Variants in ARSG observed in about 807,000 individuals in gnomAD.
The protein encoded by ARSG is arylsulfatase G, also known as ASG.
In ARSG, 37 loss-of-function variants were observed where a neutral mutation model predicts 50.5. The ratio of observed to expected loss-of-function variants is 0.73; its 90% confidence interval spans 0.56 to 0.96. The LOEUF (loss-of-function observed/expected upper bound fraction) is 0.96, where lower values mean the gene tolerates loss of function less well. Ranked by LOEUF, ARSG falls within the 50% of genes least tolerant of loss-of-function variation. The pLI, the probability that ARSG is intolerant of heterozygous loss-of-function variation, is 0.00. For synonymous variants in ARSG, 225 were observed against 254.6 expected (o/e 0.88, Z 1.11); for missense variants, 629 against 675.3 (o/e 0.93, Z 0.76).
the ARSG span, chr17:68,429,017 C>G: frequency 1.4e-4 from 149 of 1,040,886 alleles, no homozygotes; most frequent in African/African-American, 2.0e-3. Flanking sequence ...GCCCCCCTCA[C>G]CCTAGCTGTC....
intron 2 of ARSG, among the ~76,000 whole-genome samples, chr17:68,343,047 T>A (rs540912648): frequency 1.3e-5 from 2 of 152,368 alleles, no homozygotes; most frequent in Non-Finnish European, 2.9e-5. Flanking sequence ...AAGATTGAAT[T>A]TGTTGGATTA....
At chr17:68,432,260 T>C in the ARSG span, among the ~76,000 whole-genome samples, 885 of 152,252 alleles carry the variant, frequency 5.8e-3, 4 homozygotes, top group Middle Eastern at 0.01. Context: ...GTCAGTCCCA[T>C]GGCTGTGATA....
chr17:68,376,556 G>T (rs2080161280), intron 8 of ARSG, among the ~76,000 whole-genome samples: 1 of 151,834 alleles, frequency 6.6e-6, no homozygotes, highest in African/African-American at 2.4e-5. Context: ...CTCCCAAAAT[G>T]TTGGGATTAC....
chr17:68,292,618 A>G (rs1381397189), intron 1 of ARSG, among the ~76,000 whole-genome samples: 4 of 152,182 alleles, frequency 2.6e-5, no homozygotes, highest in Non-Finnish European at 5.9e-5. Context: ...TCAGAAACTC[A>G]AGAGAGCCTA....
the ARSG span, chr17:68,435,556 C>T: frequency 6.7e-7 from 1 of 1,502,434 alleles, no homozygotes; most frequent in Non-Finnish European, 9.3e-7. Flanking sequence ...TCAATCCCAT[C>T]CCTGCGCACG....
chr17:68,271,567 G>C lies in ARSG; in HGVS notation c.-552+12141G>C. ...TCTGATAAAGATGGGTCTGAGCAGT[G>C]CTCCGAAGATGACAATGTTTAACTG... On this transcript the variant is annotated intron_variant, in intron 1 of 11. Coordinates refer to the ARSG transcript ENST00000448504. The surrounding 1 kb of genome is among the most constrained non-coding windows in gnomAD (Gnocchi z 5.3). 6.2e-7 allele frequency: 1 copy of C among 1,614,216 alleles called. No individual in the cohort carries two copies. Among genetic ancestry groups the C allele is most frequent in the South Asian group, 1.1e-5 (1 of 91,086 alleles).
intron 11 of ARSG, among the ~76,000 whole-genome samples, chr17:68,406,610 G>T (rs2081734072): frequency 6.6e-6 from 1 of 152,168 alleles, no homozygotes; most frequent in Non-Finnish European, 1.5e-5. Context: ...TTGTGGTTTT[G>T]ATTTGCATTT....
chr17:68,307,291 A>G lies in ARSG; in HGVS notation c.-203A>G. ...TGATTCTTTTGAATTAGGATTCCAG[A>G]TGGGGGCCTCATTTCTACAGCCCCC... On this transcript the variant is annotated 5_prime_UTR_variant, in exon 2 of 12. It removes an upstream start codon present in the reference 5' UTR. Transcript: ENST00000621439. The G allele has an allele frequency of 1.8e-6, 1 of 546,000 alleles. No individual in the cohort carries two copies. Among genetic ancestry groups the G allele is most frequent in the Non-Finnish European group, 3.2e-6 (1 of 308,434 alleles). The allele number at this position is 546,000 out of a possible 1,614,324, so 33.8% of individuals were successfully genotyped here. A position where few individuals can be genotyped will look rare whatever the true frequency, so the allele number is the denominator to read the frequency against.
Position 68,356,731 on chromosome 17 carries a change from G to T in ARSG, c.631G>T (p.Glu211Ter). 6.2e-7 allele frequency: 1 copy of T among 1,614,138 alleles called. No individual in the cohort carries two copies. The highest frequency in any genetic ancestry group is 8.5e-7 in the Non-Finnish European group (1 of 1,180,030). The part of the protein sequence containing the change: ...LPLYENLNIV[E>*]QPVNLSSLAQ... ...TCTTTATGAAAACCTCAACATTGTGGAGCAGCCGGTGAACTTGAGCAGCCT... is the reference window on the plus strand; with the variant it reads ...TCTTTATGAAAACCTCAACATTGTGTAGCAGCCGGTGAACTTGAGCAGCCT... Residue 211 changes from glutamate to a stop codon, truncating the protein, a stop_gained, in exon 6 of 12, where the codon GAG becomes TAG. Transcript: ENST00000621439. LOFTEE classifies it high-confidence loss of function.
chr17:68,266,875 A>T lies in ARSG; in HGVS notation c.-552+7449A>T, dbSNP rs1351645703. ...CAGTAGAAACTTCTTGGGAAACTTT[A>T]TGTGTCTCTAGTAGAGTTAAAAGGT... On this transcript the variant is annotated intron_variant, in intron 1 of 11. Coordinates refer to the ARSG transcript ENST00000448504. Among the ~76,000 whole-genome samples the T allele has an allele frequency of 2.0e-5, 3 of 152,264 alleles. No individual in the cohort carries two copies. In the South Asian group the frequency reaches 6.2e-4, roughly 32 times the overall value.
intron 10 of ARSG, 61 bp downstream of exon 10, chr17:68,395,254 C>T: frequency 6.3e-7 from 1 of 1,597,334 alleles, no homozygotes; most frequent in Non-Finnish European, 8.5e-7. Flanking sequence ...TGCTGCCTCT[C>T]ACCTCTGTGC....
chr17:68,447,775 G>C, the ARSG span, among the ~76,000 whole-genome samples: 5 of 151,972 alleles, frequency 3.3e-5, no homozygotes, highest in African/African-American at 1.2e-4. Context: ...GGTGGATCAC[G>C]AGGTCAGGAG....
chr17:68,389,433 C>T lies in ARSG; in HGVS notation c.1091+4261C>T, dbSNP rs558764138. 1.4e-4 allele frequency among the ~76,000 whole-genome samples: 21 copies of T among 152,018 alleles called. No individual in the cohort carries two copies. The South Asian group carries it at 3.7e-3, about 27-fold the overall frequency. ...CCATCAAATGTGAGCATAGGCTTGC[C>T]CCTCATGTCTCCACGGCTGAGACCA... On this transcript the variant is annotated intron_variant, in intron 9 of 11. Transcript: ENST00000621439.
chr17:68,271,086 C>T lies in ARSG; in HGVS notation c.-552+11660C>T. On this transcript the variant is annotated intron_variant, in intron 1 of 11. Coordinates refer to the ARSG transcript ENST00000448504. The surrounding 1 kb of genome is among the most constrained non-coding windows in gnomAD (Gnocchi z 5.3). ...TGACGCAGATGAGCTCAATGTAAAT[C>T]TTACGAATGGGCTCCCTGTTGAGGA... 1 of 1,614,170 alleles carries T rather than the reference C, an allele frequency of 6.2e-7. No homozygotes were observed. The highest frequency in any genetic ancestry group is 8.5e-7 in the Non-Finnish European group (1 of 1,180,046).
downstream of ARSG, chr17:68,427,300 T>C (rs776170548): frequency 3.5e-6 from 5 of 1,411,092 alleles, no homozygotes; most frequent in Middle Eastern, 1.8e-4. Context: ...GAAATCATCA[T>C]ATATCTAGGA....
chr17:68,319,166 T>G (rs1302506402), intron 2 of ARSG, among the ~76,000 whole-genome samples: 1 of 152,156 alleles, frequency 6.6e-6, no homozygotes, highest in Non-Finnish European at 1.5e-5. Context: ...TCCTCTTTCA[T>G]GTAATTCCTT....
chr17:68,269,673 G>GATTTTTTTTT (rs2075268269), intron 1 of ARSG, among the ~76,000 whole-genome samples: 1 of 77,912 alleles, frequency 1.3e-5, no homozygotes, highest in African/African-American at 7.5e-5. Context: ...TTCACTTTAG[G>GATTTTTTTTT]TTTTTTTTTT....
At chr17:68,431,093 T>G in the ARSG span, among the ~76,000 whole-genome samples, 4 of 152,162 alleles carry the variant, frequency 2.6e-5, no homozygotes, top group African/African-American at 9.7e-5. Context: ...AGCCCTGTGC[T>G]CCGGGCTGGG....
downstream of ARSG, chr17:68,426,254 G>GGGGGGGGGGGGGGGGCCCCCCCCCCCC: frequency 1.2e-6 from 1 of 816,920 alleles, no homozygotes; most frequent in Non-Finnish European, 1.9e-6. Flanking sequence ...GGGAGCGGGG[G>GGGGGGGGGGGGGGGGCCCCCCCCCCCC]CTCAAATAAA....
Sources: allele counts gnomAD v4.1 joint callset (sites outside exome capture counted in the v4.1 genomes callset), GRCh38; gene constraint gnomAD v4.1.1; non-coding constraint Gnocchi (gnomAD v3.1); transcripts MANE v1.5; gene names NCBI Gene and HGNC (gene_info 2026-07-23, HGNC 2026-07-21).